AGBL1: variants seen among roughly 807,000 people sequenced by gnomAD.
The protein encoded by AGBL1 is cytosolic carboxypeptidase 4.
In AGBL1, 130 loss-of-function variants were observed where a neutral mutation model predicts 118.9. That is an observed-to-expected ratio of 1.09 (90% CI 0.95 to 1.26). The LOEUF (loss-of-function observed/expected upper bound fraction) is 1.26. AGBL1 is among the 50% of genes most tolerant of loss of function. The pLI, the probability that AGBL1 is intolerant of heterozygous loss-of-function variation, is 0.00. For synonymous variants in AGBL1, 555 were observed against 478.9 expected (o/e 1.16, Z -2.08); for missense variants, 1,584 against 1,298.1 (o/e 1.22, Z -3.38).
intron 21 of AGBL1, among the ~76,000 whole-genome samples, chr15:86,594,289 C>A (rs982180968): frequency 1.3e-5 from 2 of 152,018 alleles, no homozygotes; most frequent in Non-Finnish European, 2.9e-5. Context: ...TCATATGTTG[C>A]TAGAGTCATT....
At chr15:86,703,205 G>A (rs2086390152) in intron 22 of AGBL1, among the ~76,000 whole-genome samples, 1 of 152,098 alleles carries the variant, frequency 6.6e-6, no homozygotes, top group Non-Finnish European at 1.5e-5. Flanking sequence ...TAGCATTTTT[G>A]TTTCACTTGT....
chr15:87,010,788 G>C (rs1197070873), intron 24 of AGBL1, among the ~76,000 whole-genome samples: 1 of 152,118 alleles, frequency 6.6e-6, no homozygotes, highest in African/African-American at 2.4e-5. Flanking sequence ...ATAATGACAA[G>C]AGCAAATCCC....
intron 18 of AGBL1, among the ~76,000 whole-genome samples, chr15:86,428,250 G>T (rs1418738604): frequency 6.6e-6 from 1 of 152,214 alleles, no homozygotes; most frequent in Admixed American, 6.5e-5. Context: ...TGGGTAGAAA[G>T]ACTGCTAAAC....
At chr15:86,157,406 T>A (rs1470456499) in intron 4 of AGBL1, among the ~76,000 whole-genome samples, 2 of 152,170 alleles carry the variant, frequency 1.3e-5, no homozygotes, top group African/African-American at 4.8e-5. Context: ...TTTGAAGCAT[T>A]TCCTGGTTTC....
chr15:86,589,895 G>A (rs1298428175), intron 21 of AGBL1, among the ~76,000 whole-genome samples: 2 of 152,044 alleles, frequency 1.3e-5, no homozygotes, highest in African/African-American at 4.8e-5. Flanking sequence ...CTAAAAACAA[G>A]GTTTTAGCTA....
chr15:86,783,248 C>T (rs1271975092), intron 22 of AGBL1, among the ~76,000 whole-genome samples: 1 of 152,208 alleles, frequency 6.6e-6, no homozygotes, highest in Non-Finnish European at 1.5e-5. Flanking sequence ...ACCACGAGTC[C>T]TAAGAATAAG....
intron 17 of AGBL1, among the ~76,000 whole-genome samples, chr15:86,317,752 C>T (rs1325892528): frequency 6.6e-6 from 1 of 152,174 alleles, no homozygotes. Flanking sequence ...TGAGCTCTGA[C>T]TTTGTCACAC....
chr15:86,156,794 C>CTTTTTTTTTTTTTTTTTTTTTTTT (rs773611214), intron 4 of AGBL1, among the ~76,000 whole-genome samples: 1 of 105,564 alleles, frequency 9.5e-6, no homozygotes. Context: ...TCTTTTCTTT[C>CTTTTTTTTTTTTTTTTTTTTTTTT]TTTTTTTTTT....
intron 9 of AGBL1, among the ~76,000 whole-genome samples, chr15:86,260,674 T>A (rs2078968416): frequency 6.6e-6 from 1 of 152,222 alleles, no homozygotes; most frequent in South Asian, 2.1e-4. Flanking sequence ...CACAGTCTAG[T>A]GGACTTGGAG....
intron 9 of AGBL1, among the ~76,000 whole-genome samples, chr15:86,259,133 C>T (rs1394189661): frequency 6.6e-6 from 1 of 152,172 alleles, no homozygotes; most frequent in East Asian, 1.9e-4. Flanking sequence ...TGGGAGGCTG[C>T]CTTGTGCATT....
chr15:86,188,057 G>A (rs1278193533), intron 5 of AGBL1, among the ~76,000 whole-genome samples: 1 of 152,190 alleles, frequency 6.6e-6, no homozygotes, highest in African/African-American at 2.4e-5. Flanking sequence ...TGATACCAAT[G>A]CTTAATAGTA....
intron 19 of AGBL1, among the ~76,000 whole-genome samples, chr15:86,527,954 A>T (rs921818155): frequency 6.6e-6 from 1 of 152,044 alleles, no homozygotes; most frequent in Non-Finnish European, 1.5e-5. Context: ...CATCCATCCA[A>T]CCACTTATCC....
At chr15:86,137,473 C>G (rs2076904191) in intron 1 of AGBL1, among the ~76,000 whole-genome samples, 1 of 152,164 alleles carries the variant, frequency 6.6e-6, no homozygotes, top group African/African-American at 2.4e-5. Flanking sequence ...TTTCTCTTAT[C>G]TGAAAGCCCA....
At chr15:86,632,273 T>TA (rs2084984179) in intron 21 of AGBL1, among the ~76,000 whole-genome samples, 10 of 86,720 alleles carry the variant, frequency 1.2e-4, no homozygotes, top group Middle Eastern at 0.01. Flanking sequence ...GTCTTTCTCT[T>TA]TAAAAAAAAA....
At chr15:86,719,977 C>T (rs1189938596) in intron 22 of AGBL1, among the ~76,000 whole-genome samples, 2 of 152,192 alleles carry the variant, frequency 1.3e-5, no homozygotes, top group African/African-American at 4.8e-5. Flanking sequence ...CTAGCTTTCT[C>T]ATCTAGTCAC....
chr15:86,659,850 A>G (rs1286567414), intron 21 of AGBL1, among the ~76,000 whole-genome samples: 3 of 152,170 alleles, frequency 2.0e-5, no homozygotes, highest in African/African-American at 7.2e-5. Flanking sequence ...GCACTTGGGC[A>G]TCAAAGTTAT....
At chr15:86,562,635 T>C (rs1596267981) in intron 21 of AGBL1, among the ~76,000 whole-genome samples, 1 of 152,212 alleles carries the variant, frequency 6.6e-6, no homozygotes, top group African/African-American at 2.4e-5. Flanking sequence ...CAGGCTTTGG[T>C]AGCAGGATGA....
chr15:86,821,056 G>A (rs535110869), intron 22 of AGBL1, among the ~76,000 whole-genome samples: 5 of 152,032 alleles, frequency 3.3e-5, no homozygotes, highest in African/African-American at 7.2e-5. Flanking sequence ...TGAAATCTTC[G>A]TTCTCAGCAA....
At chr15:86,733,841 C>A (rs2141220720) in intron 22 of AGBL1, among the ~76,000 whole-genome samples, 1 of 152,268 alleles carries the variant, frequency 6.6e-6, no homozygotes, top group East Asian at 1.9e-4. Context: ...ATGGGAACTT[C>A]TTTGGGAAGG....
Sources: allele counts gnomAD v4.1 joint callset (sites outside exome capture counted in the v4.1 genomes callset), GRCh38; gene constraint gnomAD v4.1.1; transcripts MANE v1.5; gene names NCBI Gene and HGNC (gene_info 2026-07-23, HGNC 2026-07-21).